The following PLCXD2 variants were observed in gnomAD, a reference collection of about 807,000 sequenced individuals.
The protein encoded by PLCXD2 is PI-PLC X domain-containing protein 2.
PLCXD2 carries 21 observed loss-of-function variants against 28.6 expected under a neutral mutation model. That is an observed-to-expected ratio of 0.73 (90% CI 0.52 to 1.06). The LOEUF (loss-of-function observed/expected upper bound fraction) is 1.06. Among genes scored for constraint, PLCXD2 ranks in the 50% least tolerant of loss-of-function variants. The pLI, the probability that PLCXD2 is intolerant of heterozygous loss-of-function variation, is 0.00. For synonymous variants in PLCXD2, 140 were observed against 150.1 expected (o/e 0.93, Z 0.49); for missense variants, 369 against 376.7 (o/e 0.98, Z 0.17).
intron 1 of PLCXD2, among the ~76,000 whole-genome samples, chr3:111,675,708 G>A (rs1940611132): frequency 1.3e-5 from 2 of 152,192 alleles, no homozygotes; most frequent in African/African-American, 4.8e-5. Context: ...GTTGTTATGT[G>A]TATGTGAGGG....
chr3:111,688,837 GAATT>G (rs1940833786), intron 1 of PLCXD2, among the ~76,000 whole-genome samples: 1 of 151,272 alleles, frequency 6.6e-6, no homozygotes, highest in African/African-American at 2.4e-5. Flanking sequence ...TTTAAAAAAA[GAATT>G]AAATAAGATA....
intron 1 of PLCXD2, among the ~76,000 whole-genome samples, chr3:111,706,096 C>T (rs1371460034): frequency 1.3e-5 from 2 of 152,126 alleles, no homozygotes; most frequent in Non-Finnish European, 2.9e-5. Context: ...TGGACTCAAG[C>T]GATCCACCAG....
rs755794198 is a variant in PLCXD2, at chr3:111,714,115, A to G, written c.853A>G (p.Thr285Ala). ...GGGCTTGGTTGGGGGCCTCAAGAACACGCTGGTTCATAGGTAAGAATTTGC... is the reference window on the plus strand; with the variant it reads ...GGGCTTGGTTGGGGGCCTCAAGAACGCGCTGGTTCATAGGTAAGAATTTGC... Residue 285 changes from threonine to alanine, a missense_variant, in exon 3 of 5, where the codon ACG (threonine) becomes GCG (alanine). Physicochemically the swap from Thr to Ala is moderately conservative, Grantham distance 58. Coordinates refer to ENST00000477665, the MANE Select transcript of PLCXD2 (RefSeq NM_001185106.1). 3 of 1,613,946 alleles carry G rather than the reference A, an allele frequency of 1.9e-6. No homozygotes were observed. Among genetic ancestry groups the G allele is most frequent in the Admixed American group, 1.7e-5 (1 of 59,996 alleles).
At chr3:111,722,265 G>A (rs772616965) in intron 3 of PLCXD2, 1 of 151,926 alleles carries the variant, frequency 6.6e-6, no homozygotes. Flanking sequence ...TCACACAGGA[G>A]CTTACTGAAC....
chr3:111,701,885 T>C (rs1472509570), intron 1 of PLCXD2, among the ~76,000 whole-genome samples: 5 of 151,996 alleles, frequency 3.3e-5, no homozygotes, highest in Non-Finnish European at 7.4e-5. Flanking sequence ...CTGGCAGAAA[T>C]TCAGGAGAGG....
chr3:111,684,633 G>A (rs1356959762), intron 1 of PLCXD2, among the ~76,000 whole-genome samples: 2 of 151,172 alleles, frequency 1.3e-5, no homozygotes, highest in East Asian at 1.9e-4. Flanking sequence ...CAGCCTGGGC[G>A]ACGGAACAAA....
chr3:111,716,460 T>C (rs1016985767), intron 3 of PLCXD2, among the ~76,000 whole-genome samples: 6 of 152,200 alleles, frequency 3.9e-5, no homozygotes, highest in Non-Finnish European at 4.4e-5. Flanking sequence ...TCTTGTTCAT[T>C]TTGGTTCAAC....
chr3:111,725,495 C>T (rs546741847), intron 3 of PLCXD2: 44 of 397,044 alleles, frequency 1.1e-4, no homozygotes, highest in Admixed American at 1.1e-3. Context: ...GGACGCTCTC[C>T]GTAGCTTCTG....
In PLCXD2 at chr3:111,715,209, T is replaced by C. The variant is rs142479727; in HGVS notation, c.866+1081T>C. ...CTTGACTGAATTCATTATGCTGAACTTGGAAAAGTGAATTTTATAAACCAG... is the reference window on the plus strand; with the variant it reads ...CTTGACTGAATTCATTATGCTGAACCTGGAAAAGTGAATTTTATAAACCAG... On this transcript the variant is annotated intron_variant, in intron 3 of 4. Transcript: ENST00000477665. Among the ~76,000 whole-genome samples the C allele has an allele frequency of 4.6e-5, 7 of 152,362 alleles. No individual in the cohort carries two copies. The East Asian group carries it at 1.3e-3, about 29-fold the overall frequency.
intron 1 of PLCXD2, among the ~76,000 whole-genome samples, chr3:111,682,899 C>A (rs970807850): frequency 6.6e-6 from 1 of 152,164 alleles, no homozygotes; most frequent in Non-Finnish European, 1.5e-5. Context: ...ACTCCTTTTG[C>A]TTCTTTTGGT....
At chr3:111,690,328 T>G (rs1286237258) in intron 1 of PLCXD2, among the ~76,000 whole-genome samples, 1 of 152,192 alleles carries the variant, frequency 6.6e-6, no homozygotes, top group Non-Finnish European at 1.5e-5. Flanking sequence ...AGGATGGTGA[T>G]GTTTGAAGGA....
intron 1 of PLCXD2, among the ~76,000 whole-genome samples, chr3:111,692,172 G>C (rs1393969590): frequency 6.6e-6 from 1 of 152,150 alleles, no homozygotes; most frequent in Admixed American, 6.5e-5. Context: ...CGCCCGAGTA[G>C]CTGGGACTGC....
At chr3:111,726,937 T>C (rs1941423845) in intron 3 of PLCXD2, 1 of 152,222 alleles carries the variant, frequency 6.6e-6, no homozygotes, top group East Asian at 1.9e-4. Flanking sequence ...TTGGTCCACT[T>C]CTAATTTTGT....
chr3:111,717,915 C>T (rs1297064712), intron 3 of PLCXD2, among the ~76,000 whole-genome samples: 1 of 152,128 alleles, frequency 6.6e-6, no homozygotes, highest in African/African-American at 2.4e-5. Flanking sequence ...AGGATGTGAC[C>T]TCTTTAAGGT....
chr3:111,722,176 T>A (rs1941355036), intron 3 of PLCXD2: 1 of 102,276 alleles, frequency 9.8e-6, no homozygotes, highest in Middle Eastern at 5.0e-3. Context: ...AGCCCTCTTG[T>A]GTTTTGATTT....
rs746903071 is a variant in PLCXD2 at position 111,708,329 on chromosome 3, C to G, written c.567C>G (p.Cys189Trp). 2 of 1,614,020 alleles carry G rather than the reference C, an allele frequency of 1.2e-6. No individual in the cohort carries two copies. The highest frequency in any genetic ancestry group is 2.2e-5 in the East Asian group (1 of 44,894). ...AGGAGGCCTTTGGAAACAAGCTGTG[C>G]CCAGCCTGCAGTGTGGAAAGTTTGA... is the stretch of plus-strand genomic sequence containing the variant. Residue 189 changes from cysteine to tryptophan, a missense_variant, in exon 2 of 5, where the codon TGC becomes TGG. By Grantham distance (215) the Cys-to-Trp change is radical. Transcript: ENST00000477665.
chr3:111,716,810 G>C (rs1361856766), intron 3 of PLCXD2, among the ~76,000 whole-genome samples: 1 of 152,180 alleles, frequency 6.6e-6, no homozygotes, highest in Admixed American at 6.5e-5. Context: ...CTTTAAAGAG[G>C]TAATTAAGTC....
chr3:111,713,224 A>AG (rs1246957384), intron 2 of PLCXD2, among the ~76,000 whole-genome samples: 1 of 152,232 alleles, frequency 6.6e-6, no homozygotes, highest in Non-Finnish European at 1.5e-5. Flanking sequence ...GCTTCCCCAG[A>AG]GGGATATGAG....
intron 1 of PLCXD2, among the ~76,000 whole-genome samples, chr3:111,689,814 A>T (rs943865449): frequency 1.3e-5 from 2 of 152,204 alleles, no homozygotes; most frequent in Non-Finnish European, 2.9e-5. Flanking sequence ...GACAGGCAGG[A>T]AGCAAGTAGT....
Sources: gnomAD v4.1 joint callset for allele counts (sites outside exome capture counted in the v4.1 genomes callset) on GRCh38, gnomAD v4.1.1 for gene constraint, MANE v1.5 for transcripts, NCBI Gene and HGNC (gene_info 2026-07-23, HGNC 2026-07-21) for gene names.